HDAC8: variants seen among roughly 807,000 people sequenced by gnomAD.
The protein encoded by HDAC8 is histone deacetylase-like 1.
Under a neutral mutation model 32.2 loss-of-function variants are expected in HDAC8, and 1 was observed. That is an observed-to-expected ratio of 0.03 (90% confidence interval 0.01 to 0.15). HDAC8 has a LOEUF of 0.15. HDAC8 is among the 10% of genes least tolerant of loss of function. The pLI, the probability that HDAC8 is intolerant of heterozygous loss-of-function variation, is 1.00. For synonymous variants in HDAC8, 108 were observed against 113.9 expected (o/e 0.95, Z 0.33); for missense variants, 117 against 300.0 (o/e 0.39, Z 4.51).
chrX:72,464,721 C>T lies in HDAC8; in HGVS notation c.748G>A (p.Glu250Lys). ...TTGGGATTAAAGGCTTGGTATACTT[C>T]CTTTAGTACACTATATAAAATAGAA... ...YYQICESVLKEVYQAFNPKAV... is the reference protein window; with the variant it reads ...YYQICESVLKKVYQAFNPKAV... The change falls in exon 8 of 11, where the codon GAA becomes AAA. Residue 250 changes from glutamate (E) to lysine (K), a missense_variant. Glu to Lys is a moderately conservative substitution (Grantham distance 56). Around this residue, in one of 4 missense-constraint regions of HDAC8, gnomAD observed 57 missense variants for 182.0 expected, o/e 0.31. Coordinates refer to ENST00000373573, the MANE Select transcript of HDAC8 (RefSeq NM_018486.3). The T allele has an allele frequency of 1.7e-6, 2 of 1,195,621 alleles. No individual in the cohort carries two copies. The highest frequency in any genetic ancestry group is 2.3e-6 in the Non-Finnish European group (2 of 881,051).
intron 7 of HDAC8, 56 bp downstream of exon 7, chrX:72,488,877 C>T: frequency 1.5e-6 from 1 of 689,089 alleles, no homozygotes. Flanking sequence ...AGATGGGGGC[C>T]ATTTCATCCT....
rs368505566 is a variant in HDAC8 at position 72,502,374 on chromosome X, A to G, written c.438-7106T>C. 4.5e-5 allele frequency among the ~76,000 whole-genome samples: 5 copies of G among 112,052 alleles called. No individual in the cohort carries two copies. In the East Asian group the frequency reaches 1.1e-3, roughly 25 times the overall value. ...CAACAAAGACTTGGAATGCTCATCA[A>G]TGCTGCATGTTCTCACTCAAAAGTG... On this transcript the variant is annotated intron_variant, in intron 4 of 10. Transcript: ENST00000373573.
chrX:72,342,318 C>T (rs1308658016), intron 10 of HDAC8, among the ~76,000 whole-genome samples: 1 of 112,529 alleles, frequency 8.9e-6, no homozygotes, highest in Non-Finnish European at 1.9e-5. Context: ...AGACCCTCCT[C>T]TGGAACTCTG....
chrX:72,429,741 A>T (rs2046758472), intron 9 of HDAC8, among the ~76,000 whole-genome samples: 2 of 111,386 alleles, frequency 1.8e-5, no homozygotes, highest in Non-Finnish European at 3.8e-5. Context: ...TTCTTCATAG[A>T]GTGTGTGTGT....
At chrX:72,331,528 T>C (rs1469744097) in intron 10 of HDAC8, among the ~76,000 whole-genome samples, 1 of 111,758 alleles carries the variant, frequency 8.9e-6, no homozygotes, top group Non-Finnish European at 1.9e-5. Context: ...CTCAGCATAA[T>C]GCCTTTGAGG....
intron 7 of HDAC8, among the ~76,000 whole-genome samples, chrX:72,471,683 C>T (rs1333884129): frequency 9.0e-6 from 1 of 111,668 alleles, no homozygotes; most frequent in Non-Finnish European, 1.9e-5. Flanking sequence ...ACCCTTTGCC[C>T]ATTTTCAAAC....
intron 9 of HDAC8, among the ~76,000 whole-genome samples, chrX:72,398,938 G>A (rs1211482487): frequency 9.1e-6 from 1 of 109,545 alleles, no homozygotes; most frequent in African/African-American, 3.3e-5. Flanking sequence ...ACTAGCATTT[G>A]GGGCAGGACA....
intron 7 of HDAC8, among the ~76,000 whole-genome samples, chrX:72,474,917 T>C (rs1215140068): frequency 9.0e-6 from 1 of 111,711 alleles, no homozygotes; most frequent in African/African-American, 3.3e-5. Flanking sequence ...CTGAACATGT[T>C]TTGTGGTTTT....
chrX:72,567,814 A>G, intron 4 of HDAC8, 75 bp downstream of exon 4: 1 of 1,210,942 alleles, frequency 8.3e-7, no homozygotes. Context: ...TGTCAATACA[A>G]TAAGCATAAG....
chrX:72,442,872 C>T (rs2047204900), intron 9 of HDAC8, among the ~76,000 whole-genome samples: 1 of 109,895 alleles, frequency 9.1e-6, no homozygotes, highest in African/African-American at 3.3e-5. Flanking sequence ...CAAAAAAAGG[C>T]AGGGGTTGCA....
intron 9 of HDAC8, among the ~76,000 whole-genome samples, chrX:72,375,008 G>A (rs1315142518): frequency 9.1e-5 from 10 of 110,397 alleles, no homozygotes; most frequent in African/African-American, 3.3e-4. Context: ...TTGTAGAGAC[G>A]GGGGTCCCAT....
At chrX:72,521,689 A>G (rs2049986813) in intron 4 of HDAC8, among the ~76,000 whole-genome samples, 1 of 111,639 alleles carries the variant, frequency 9.0e-6, no homozygotes, top group Non-Finnish European at 1.9e-5. Flanking sequence ...CATATTTACT[A>G]TAATTCTTCT....
At chrX:72,454,195 T>C (rs2047662925) in intron 9 of HDAC8, among the ~76,000 whole-genome samples, 1 of 112,180 alleles carries the variant, frequency 8.9e-6, no homozygotes. Flanking sequence ...AATCAGCAGA[T>C]CCAGTGGTGG....
At chrX:72,349,988 G>A (rs2044130380) in intron 10 of HDAC8, among the ~76,000 whole-genome samples, 1 of 111,832 alleles carries the variant, frequency 8.9e-6, no homozygotes, top group Admixed American at 9.5e-5. Context: ...TCCAGGATCA[G>A]TTCTGAGGAA....
intron 7 of HDAC8, among the ~76,000 whole-genome samples, chrX:72,476,058 A>G (rs2048327392): frequency 9.0e-6 from 1 of 111,026 alleles, no homozygotes; most frequent in African/African-American, 3.3e-5. Context: ...TTTTTAACAT[A>G]TTATTACTTA....
chrX:72,531,568 T>C (rs1340227172), intron 4 of HDAC8, among the ~76,000 whole-genome samples: 1 of 111,928 alleles, frequency 8.9e-6, no homozygotes, highest in Non-Finnish European at 1.9e-5. Context: ...TTTTAGAATA[T>C]TTTCATCACC....
At chrX:72,454,973 C>G (rs1463949192) in intron 9 of HDAC8, among the ~76,000 whole-genome samples, 1 of 112,682 alleles carries the variant, frequency 8.9e-6, no homozygotes, top group Non-Finnish European at 1.9e-5. Context: ...TCGCACCTTA[C>G]AAACAGACAA....
At position 72,436,811 on chromosome X, in the gene HDAC8, A is replaced by C. The variant is rs782502842; in HGVS notation, c.1005+25193T>G. 1.0e-3 allele frequency among the ~76,000 whole-genome samples: 112 copies of C among 111,512 alleles called. 1 individual carries two copies. Among genetic ancestry groups the C allele is most frequent in the Non-Finnish European group, 2.0e-3 (104 of 53,090 alleles). ...TTTAAGATGTACTATAAAGGGAGGA[A>C]GGTACAGAAACATAAAGGGAGGTAA... On this transcript the variant is annotated intron_variant, in intron 9 of 10. Coordinates refer to ENST00000373573, the MANE Select transcript of HDAC8 (RefSeq NM_018486.3).
intron 10 of HDAC8, among the ~76,000 whole-genome samples, chrX:72,342,917 T>A (rs2043923975): frequency 9.0e-6 from 1 of 111,289 alleles, no homozygotes; most frequent in Non-Finnish European, 1.9e-5. Flanking sequence ...CATTAGAGAC[T>A]GATCTGCTTC....
Sources: allele counts gnomAD v4.1 joint callset (sites outside exome capture counted in the v4.1 genomes callset), GRCh38; gene constraint gnomAD v4.1.1; regional missense constraint gnomAD v4.1.1; transcripts MANE v1.5; gene names NCBI Gene and HGNC (gene_info 2026-07-23, HGNC 2026-07-21).